Variants in PRPF6 observed in about 807,000 individuals in gnomAD.
PRPF6 encodes pre-mRNA processing factor 6, also known as pre-mRNA-processing factor 6.
A neutral mutation model predicts 118.3 loss-of-function variants in PRPF6; 42 were observed. The observed-to-expected ratio is 0.35, with a 90% CI of 0.28 to 0.46. PRPF6 has a LOEUF of 0.46. Among genes scored for constraint, PRPF6 ranks in the 20% least tolerant of loss-of-function variants. The probability of loss-of-function intolerance (pLI) is 1.00; values close to 1 mark genes in which losing one functional copy is unlikely to be tolerated. For missense variants in PRPF6, 662 were observed against 1,255.7 expected, an observed-to-expected ratio of 0.53 and a Z score of 7.15; for synonymous variants, 481 against 485.1, an observed-to-expected ratio of 0.99 and a Z score of 0.11.
chr20:64,030,569 T>G (rs2059310163), intron 19 of PRPF6, among the ~76,000 whole-genome samples: 1 of 152,138 alleles, frequency 6.6e-6, no homozygotes, highest in South Asian at 2.1e-4. Context: ...ACAGGGAGGC[T>G]TGTGTCTGCC....
At chr20:64,017,621 G>C (rs914410221) in intron 12 of PRPF6, among the ~76,000 whole-genome samples, 1 of 151,932 alleles carries the variant, frequency 6.6e-6, no homozygotes, top group South Asian at 2.1e-4. Context: ...TCACAGGCAT[G>C]AGCCGCCGCG....
rs868637780 is a variant in PRPF6, at chr20:64,026,008, C to A, written c.1978C>A (p.Arg660=). Reference sequence around the variant, plus strand: ...GGAGTCCGAGAATGATGAGTACGAGCGGGCCCGGAGGCTGCTGGCCAAGGC... The same window carrying A: ...GGAGTCCGAGAATGATGAGTACGAGAGGGCCCGGAGGCTGCTGGCCAAGGC... The part of the protein sequence containing the change: ...KLESENDEYE[R]ARRLLAKARS... Residue 660 remains arginine, a synonymous_variant, in exon 15 of 21, where the codon CGG becomes AGG. Transcript: ENST00000266079. This position sits in a 1 kb window ranked among gnomAD's most constrained non-coding sequence, Gnocchi z 4.4. 9.3e-6 allele frequency: 15 copies of A among 1,611,976 alleles called. No individual in the cohort carries two copies. The Middle Eastern group carries it at 4.9e-4, about 53-fold the overall frequency.
Position 64,032,016 on chromosome 20 carries a change from A to G in PRPF6, c.2645A>G (p.Tyr882Cys). The G allele has an allele frequency of 6.2e-7, 1 of 1,614,060 alleles. No homozygotes were observed. The highest frequency in any genetic ancestry group is 8.5e-7 in the Non-Finnish European group (1 of 1,180,002). Reference sequence around the variant, plus strand: ...CTGGGGGATGCCTGGGCCTTCTTCTACAAGTTTGAGCTGCAGCATGGCACT... The same window carrying G: ...CTGGGGGATGCCTGGGCCTTCTTCTGCAAGTTTGAGCTGCAGCATGGCACT... Reference protein sequence around the residue: ...SDLGDAWAFFYKFELQHGTEE... With the variant: ...SDLGDAWAFFCKFELQHGTEE... Residue 882 changes from tyrosine (Y) to cysteine (C), a missense_variant, in exon 20 of 21, where the codon TAC becomes TGC. This residue lies in a region of PRPF6 where 244 missense variants were observed against 383.7 expected (regional missense o/e 0.64). Coordinates refer to ENST00000266079, the MANE Select transcript of PRPF6 (RefSeq NM_012469.4).
chr20:63,985,051 A>G (rs371947247), intron 3 of PRPF6, 26 bp downstream of exon 3: 40 of 1,593,958 alleles, frequency 2.5e-5, no homozygotes, highest in Admixed American at 6.7e-5. Flanking sequence ...GCCTTTCACA[A>G]TATTTATCCA....
At chr20:63,993,541 G>A (rs1372914908) in intron 4 of PRPF6, 56 bp downstream of exon 4, 27 of 1,421,944 alleles carry the variant, frequency 1.9e-5, no homozygotes, top group Admixed American at 8.5e-5. Flanking sequence ...ACCCTAACCC[G>A]CAGAGACTCA....
At chr20:63,995,661 T>C (rs2059138392) in intron 6 of PRPF6, among the ~76,000 whole-genome samples, 179 bp downstream of exon 6, 1 of 151,568 alleles carries the variant, frequency 6.6e-6, no homozygotes, top group South Asian at 2.1e-4. Context: ...TTCCGCAGAT[T>C]TTTAAAATTT....
chr20:64,031,449 T>C (rs1601535748), intron 19 of PRPF6, among the ~76,000 whole-genome samples: 1 of 151,868 alleles, frequency 6.6e-6, no homozygotes, highest in Admixed American at 6.6e-5. Context: ...CTGAGGCAGG[T>C]GGATCATGAG....
chr20:64,009,302 A>AAG (rs1208625832), intron 9 of PRPF6, among the ~76,000 whole-genome samples: 4 of 150,818 alleles, frequency 2.7e-5, no homozygotes, highest in Non-Finnish European at 4.4e-5. Context: ...AAAAAAAAAA[A>AAG]AGAGAGGTAT....
chr20:64,018,718 C>G (rs1415618961), intron 12 of PRPF6, among the ~76,000 whole-genome samples: 1 of 152,032 alleles, frequency 6.6e-6, no homozygotes, highest in Non-Finnish European at 1.5e-5. Flanking sequence ...CCACCTCAGC[C>G]TCCCAAAGTA....
intron 3 of PRPF6, among the ~76,000 whole-genome samples, chr20:63,986,975 C>G (rs2059096945): frequency 6.6e-6 from 1 of 150,842 alleles, no homozygotes; most frequent in Non-Finnish European, 1.5e-5. Flanking sequence ...TTGAGACCAG[C>G]CTAGGCAAGA....
Position 63,995,287 on chromosome 20 carries a change from A to G in PRPF6, c.616-40A>G, listed in dbSNP as rs749582791. ...TAAATTTCTTGGGCATGCAGTGCAAACCGTTGTTTTATTCTTGCCTTTCCT... is the reference window on the plus strand; with the variant it reads ...TAAATTTCTTGGGCATGCAGTGCAAGCCGTTGTTTTATTCTTGCCTTTCCT... On this transcript the variant is annotated intron_variant, in intron 5 of 20. Transcript: ENST00000266079. The G allele has an allele frequency of 2.5e-5, 40 of 1,587,032 alleles. No individual in the cohort carries two copies. The South Asian group carries it at 4.3e-4, about 17-fold the overall frequency.
intron 9 of PRPF6, 146 bp downstream of exon 9, chr20:64,001,385 GCCCTT>G (rs1569216156): frequency 1.0e-6 from 1 of 979,414 alleles, no homozygotes. Flanking sequence ...GGTTGCCTCT[GCCCTT>G]GGACCCCCAT....
At chr20:63,999,580 C>G (rs767631169) in intron 7 of PRPF6, 23 bp from the exon 8 acceptor site, 1 of 1,613,596 alleles carries the variant, frequency 6.2e-7, no homozygotes, top group Admixed American at 1.7e-5. Context: ...GGCCTGATGC[C>G]GTGTGCACTC....
At position 64,025,931 on chromosome 20, in the gene PRPF6, C is replaced by T; in HGVS notation, c.1909-8C>T. 2 of 1,613,596 alleles carry T rather than the reference C, an allele frequency of 1.2e-6. No individual in the cohort carries two copies. The highest frequency in any genetic ancestry group is 1.7e-6 in the Non-Finnish European group (2 of 1,180,030). ...ACCCCTCTTGACGCTGCTGTACTTG[C>T]CCTTCAGGCCAACCCCAACAGTGAG... On this transcript the variant is annotated splice_region_variant and splice_polypyrimidine_tract_variant and intron_variant, in intron 14 of 20. Transcript: ENST00000266079.
At position 64,029,502 on chromosome 20, in the gene PRPF6, C is replaced by A. The variant is rs376000550; in HGVS notation, c.2546+11C>A. ...CCTGGCCGTGGCCAAGTGAGTGGGGCCCCCACAGGATTGCTGAACCTCGGG... is the reference window on the plus strand; with the variant it reads ...CCTGGCCGTGGCCAAGTGAGTGGGGACCCCACAGGATTGCTGAACCTCGGG... On this transcript the variant is annotated intron_variant, in intron 19 of 20. Transcript: ENST00000266079. This position sits in a 1 kb window ranked among gnomAD's most constrained non-coding sequence, Gnocchi z 4.8. The A allele has an allele frequency of 3.1e-6, 5 of 1,610,872 alleles. No individual in the cohort carries two copies. Among genetic ancestry groups the A allele is most frequent in the Non-Finnish European group, 3.4e-6 (4 of 1,177,336 alleles).
chr20:63,997,108 G>A (rs959483567), intron 6 of PRPF6, among the ~76,000 whole-genome samples: 3 of 151,800 alleles, frequency 2.0e-5, no homozygotes, highest in East Asian at 3.9e-4. Context: ...TTGAAACTCC[G>A]TACCTGTTAA....
rs1170299115 is a variant in PRPF6 at position 64,028,427 on chromosome 20, T to C, written c.2340-51T>C. Reference sequence around the variant, plus strand: ...CAAGGCTTCCCAGAAGCTACCAGAATATGTGCTGTTGGTAGACGGCTGTGG... The same window carrying C: ...CAAGGCTTCCCAGAAGCTACCAGAACATGTGCTGTTGGTAGACGGCTGTGG... On this transcript the variant is annotated intron_variant, in intron 17 of 20. Transcript: ENST00000266079. This position sits in a 1 kb window ranked among gnomAD's most constrained non-coding sequence, Gnocchi z 6.5. 2 of 1,582,816 alleles carry C rather than the reference T, an allele frequency of 1.3e-6. No individual in the cohort carries two copies. The highest frequency in any genetic ancestry group is 1.7e-6 in the Non-Finnish European group (2 of 1,152,428).
chr20:64,000,942 G>T, intron 8 of PRPF6, 135 bp from the exon 9 acceptor site: 1 of 848,998 alleles, frequency 1.2e-6, no homozygotes, highest in Non-Finnish European at 1.9e-6. Flanking sequence ...CCTGGTGCAG[G>T]TGTGTTAGAG....
At position 64,031,346 on chromosome 20, in the gene PRPF6, G is replaced by A. The variant is rs76477254; in HGVS notation, c.2547-572G>A. On this transcript the variant is annotated intron_variant, in intron 19 of 20. Coordinates refer to ENST00000266079, the MANE Select transcript of PRPF6 (RefSeq NM_012469.4). ...TCCTTGTATCTGACCCTAATTTTAC[G>A]GAGTTGGAAGATCTTTCCCTGCGTG... Among the ~76,000 whole-genome samples, 696 of 152,298 alleles carry A rather than the reference G, an allele frequency of 4.6e-3. 6 individuals carry two copies. Among genetic ancestry groups the A allele is most frequent in the African/African-American group, 0.016 (665 of 41,574 alleles).
Sources: allele counts gnomAD v4.1 joint callset (sites outside exome capture counted in the v4.1 genomes callset), GRCh38; gene constraint gnomAD v4.1.1; regional missense constraint gnomAD v4.1.1; non-coding constraint Gnocchi (gnomAD v3.1); transcripts MANE v1.5; gene names NCBI Gene and HGNC (gene_info 2026-07-23, HGNC 2026-07-21).